EYA2: variants seen among roughly 807,000 people sequenced by gnomAD.
The protein encoded by EYA2 is protein phosphatase EYA2.
A neutral mutation model predicts 69.2 loss-of-function variants in EYA2; 31 were observed. That is an observed-to-expected ratio of 0.45 (90% CI 0.34 to 0.60). The LOEUF is 0.60. Ranked by LOEUF, EYA2 falls within the 20% of genes least tolerant of loss-of-function variation. The pLI, the probability that EYA2 is intolerant of heterozygous loss-of-function variation, is 0.02. For missense variants in EYA2, 622 were observed against 701.2 expected (o/e 0.89, Z 1.28); for synonymous variants, 257 against 279.4 (o/e 0.92, Z 0.80).
intron 9 of EYA2, among the ~76,000 whole-genome samples, chr20:47,133,456 A>G (rs2033389988): frequency 6.6e-6 from 1 of 152,204 alleles, no homozygotes; most frequent in Non-Finnish European, 1.5e-5. Context: ...ATTCTCAGAG[A>G]GATTGGGTAT....
chr20:47,011,943 C>T (rs979175685), intron 4 of EYA2, among the ~76,000 whole-genome samples: 1 of 152,154 alleles, frequency 6.6e-6, no homozygotes, highest in Non-Finnish European at 1.5e-5. Context: ...GGGAGCCAAT[C>T]ATGTTGTCTC....
At chr20:47,016,336 A>T in intron 5 of EYA2, 39 bp downstream of exon 5, 1 of 1,504,356 alleles carries the variant, frequency 6.6e-7, no homozygotes, top group Non-Finnish European at 9.3e-7. Context: ...CCCATCTCTA[A>T]GGACCACCTA....
At chr20:46,935,278 A>G (rs1491003807) in intron 1 of EYA2, among the ~76,000 whole-genome samples, 1 of 152,206 alleles carries the variant, frequency 6.6e-6, no homozygotes, top group African/African-American at 2.4e-5. Context: ...GGCTGTCACC[A>G]ACAGAATTAG....
intron 1 of EYA2, among the ~76,000 whole-genome samples, chr20:46,962,350 A>G (rs1979526373): frequency 6.6e-6 from 1 of 152,212 alleles, no homozygotes; most frequent in Non-Finnish European, 1.5e-5. Context: ...AATGTCCCCA[A>G]CATAAAGAAA....
intron 1 of EYA2, among the ~76,000 whole-genome samples, chr20:46,939,204 G>C (rs6018195): frequency 0.5 from 76,629 of 151,932 alleles, 19,693 homozygotes; most frequent in East Asian, 0.55. Context: ...GCATGTGACC[G>C]AAGCTGGGCC....
intron 5 of EYA2, among the ~76,000 whole-genome samples, chr20:47,053,667 CAAA>C (rs1215223667): frequency 3.1e-4 from 21 of 66,772 alleles, no homozygotes; most frequent in Admixed American, 4.8e-4. Flanking sequence ...GACCTTGTCT[CAAA>C]AAAAAAAAAA....
At chr20:47,113,691 C>T (rs1042110333) in intron 9 of EYA2, among the ~76,000 whole-genome samples, 1 of 152,164 alleles carries the variant, frequency 6.6e-6, no homozygotes, top group African/African-American at 2.4e-5. Context: ...AGGTCATTCC[C>T]AGGCTGAGAT....
intron 1 of EYA2, among the ~76,000 whole-genome samples, chr20:46,924,040 G>A (rs1206185155): frequency 1.3e-5 from 2 of 152,106 alleles, no homozygotes; most frequent in Non-Finnish European, 2.9e-5. Flanking sequence ...GTGGCCTCTA[G>A]AAAGATCTAT....
chr20:47,031,885 A>T (rs1407962650), intron 5 of EYA2, among the ~76,000 whole-genome samples: 2 of 152,208 alleles, frequency 1.3e-5, no homozygotes, highest in Non-Finnish European at 2.9e-5. Flanking sequence ...AAAAACCAGT[A>T]CAAACACACA....
At chr20:47,160,942 G>A (rs1329049835) in intron 10 of EYA2, 2 of 262,100 alleles carry the variant, frequency 7.6e-6, no homozygotes, top group South Asian at 6.1e-5. Flanking sequence ...TGAATTCTAG[G>A]GAGACTTGGT....
chr20:46,931,494 C>G (rs1225429784), intron 1 of EYA2, among the ~76,000 whole-genome samples: 4 of 152,152 alleles, frequency 2.6e-5, no homozygotes, highest in African/African-American at 9.7e-5. Flanking sequence ...TCTCAGTTTT[C>G]TTCTCTGTAA....
chr20:46,904,844 G>C (rs4810572), intron 1 of EYA2, among the ~76,000 whole-genome samples: 36,978 of 151,988 alleles, frequency 0.24, 5,958 homozygotes, highest in Non-Finnish European at 0.35. Context: ...TGTATCACTG[G>C]GAATCCAGAA....
At chr20:46,899,946 G>A (rs1447684923) in intron 1 of EYA2, among the ~76,000 whole-genome samples, 1 of 152,144 alleles carries the variant, frequency 6.6e-6, no homozygotes, top group Non-Finnish European at 1.5e-5. Context: ...ACTTAGACGC[G>A]CCGCAATGCC....
chr20:46,989,079 A>G (rs1022933282), intron 1 of EYA2, among the ~76,000 whole-genome samples: 2 of 152,100 alleles, frequency 1.3e-5, no homozygotes, highest in Non-Finnish European at 2.9e-5. Flanking sequence ...GAGAAAGACC[A>G]AAGGAGACCT....
intron 1 of EYA2, among the ~76,000 whole-genome samples, chr20:46,954,016 A>C (rs566333039): frequency 6.6e-6 from 1 of 152,124 alleles, no homozygotes; most frequent in Non-Finnish European, 1.5e-5. Flanking sequence ...ATCATGTTCC[A>C]ACCACACGAT....
In EYA2 at chr20:47,179,708, CAG is replaced by C; in HGVS notation, c.1199-89_1199-88del. 4.7e-6 allele frequency: 4 copies of C among 859,332 alleles called. No individual in the cohort carries two copies. In the South Asian group the frequency reaches 6.4e-5, roughly 14 times the overall value. The allele number at this position is 859,332 out of a possible 1,614,324, so 53.2% of individuals were successfully genotyped here. On this transcript the variant is annotated intron_variant, in intron 12 of 15. Transcript: ENST00000327619. ...TGGGTTGTCATCTGATTTTAACCCT[CAG>C]GGTACAGTAGCTAGATTCCTGTTCC...
intron 4 of EYA2, among the ~76,000 whole-genome samples, chr20:47,012,575 C>T (rs1354017108): frequency 6.6e-6 from 1 of 152,224 alleles, no homozygotes; most frequent in Admixed American, 6.5e-5. Flanking sequence ...CTCACTGCAA[C>T]CTCCACCTTC....
chr20:46,903,684 A>G (rs1455695753), intron 1 of EYA2, among the ~76,000 whole-genome samples: 1 of 152,144 alleles, frequency 6.6e-6, no homozygotes, highest in African/African-American at 2.4e-5. Flanking sequence ...TCAGAAAGCT[A>G]TCGTGGAGAT....
At chr20:47,166,671 G>A (rs1386038580) in intron 10 of EYA2, among the ~76,000 whole-genome samples, 2 of 151,748 alleles carry the variant, frequency 1.3e-5, no homozygotes, top group African/African-American at 2.4e-5. Context: ...TTAACACAGT[G>A]GTAGAAACTA....
Sources: gnomAD v4.1 joint callset for allele counts (sites outside exome capture counted in the v4.1 genomes callset) on GRCh38, gnomAD v4.1.1 for gene constraint, MANE v1.5 for transcripts, NCBI Gene and HGNC (gene_info 2026-07-23, HGNC 2026-07-21) for gene names.